The following MALRD1 variants were observed in gnomAD, a reference collection of about 807,000 sequenced individuals.
MALRD1 encodes the protein MAM and LDL receptor class A domain containing 1.
Under a neutral mutation model 242.1 loss-of-function variants are expected in MALRD1, and 247 were observed. The observed-to-expected ratio is 1.02, with a 90% CI of 0.92 to 1.13. The LOEUF is 1.13. Ranked by LOEUF, MALRD1 falls within the 50% of genes most tolerant of loss-of-function variation. The probability of loss-of-function intolerance (pLI) is 0.00; values close to 1 mark genes in which losing one functional copy is unlikely to be tolerated. For synonymous variants in MALRD1, 995 were observed against 866.6 expected (o/e 1.15, Z -2.60); for missense variants, 2,989 against 2,533.1 (o/e 1.18, Z -3.86).
At chr10:19,312,829 G>C (rs1842487995) in intron 21 of MALRD1, among the ~76,000 whole-genome samples, 1 of 151,424 alleles carries the variant, frequency 6.6e-6, no homozygotes, top group Admixed American at 6.6e-5. Context: ...AGAAGAATCT[G>C]GGAAATGCTA....
At chr10:19,224,343 G>C (rs1210954077) in intron 18 of MALRD1, among the ~76,000 whole-genome samples, 2 of 149,660 alleles carry the variant, frequency 1.3e-5, no homozygotes, top group East Asian at 4.0e-4. Flanking sequence ...GTGGAGTGCA[G>C]TGGCACAATT....
At chr10:19,165,191 C>A (rs1834622359) in intron 12 of MALRD1, among the ~76,000 whole-genome samples, 1 of 138,066 alleles carries the variant, frequency 7.2e-6, no homozygotes, top group Non-Finnish European at 1.5e-5. Context: ...GGTTACACAT[C>A]TGGGAGAAAG....
At chr10:19,080,565 A>T (rs1328796545) in intron 2 of MALRD1, among the ~76,000 whole-genome samples, 1 of 152,128 alleles carries the variant, frequency 6.6e-6, no homozygotes, top group African/African-American at 2.4e-5. Flanking sequence ...GGCTACCCAT[A>T]TGCAAAAAAT....
At chr10:19,470,207 T>C (rs756099445) in intron 29 of MALRD1, among the ~76,000 whole-genome samples, 1 of 152,052 alleles carries the variant, frequency 6.6e-6, no homozygotes, top group Non-Finnish European at 1.5e-5. Flanking sequence ...TTTATCTTTC[T>C]GTGTCTGGCA....
At chr10:19,689,116 G>T (rs1472849143) in intron 36 of MALRD1, among the ~76,000 whole-genome samples, 1 of 152,186 alleles carries the variant, frequency 6.6e-6, no homozygotes. Flanking sequence ...TATTTGTACA[G>T]ACATCTGACC....
chr10:19,374,831 TATG>T (rs1190404084), intron 26 of MALRD1, among the ~76,000 whole-genome samples: 1 of 152,172 alleles, frequency 6.6e-6, no homozygotes, highest in Non-Finnish European at 1.5e-5. Flanking sequence ...TGGGGGATTA[TATG>T]ATATTAGCCA....
chr10:19,475,650 G>T (rs1247206939), intron 29 of MALRD1, among the ~76,000 whole-genome samples: 1 of 152,116 alleles, frequency 6.6e-6, no homozygotes, highest in African/African-American at 2.4e-5. Flanking sequence ...AATGGAAAGG[G>T]TCAAAGACAA....
Position 19,347,932 on chromosome 10 carries a change from T to C in MALRD1, c.4063T>C (p.Phe1355Leu). Residue 1355 changes from phenylalanine (F) to leucine (L), a missense_variant, in exon 25 of 40, where the codon TTT (phenylalanine) becomes CTT (leucine). Coordinates refer to ENST00000454679, the MANE Select transcript of MALRD1 (RefSeq NM_001142308.3). ...GGGAAATTCATCTGGTCATTACATC[T>C]TTATAAAGAGTTTGTTTCCTCAGCA... ...TLGNSSGHYIFIKSLFPQQPM... is the reference protein window; with the variant it reads ...TLGNSSGHYILIKSLFPQQPM... 1.3e-6 allele frequency: 2 copies of C among 1,550,348 alleles called. No individual in the cohort carries two copies. Among genetic ancestry groups the C allele is most frequent in the Non-Finnish European group, 1.7e-6 (2 of 1,146,824 alleles).
At chr10:19,373,449 G>A (rs552564583) in intron 26 of MALRD1, among the ~76,000 whole-genome samples, 1 of 152,014 alleles carries the variant, frequency 6.6e-6, no homozygotes, top group East Asian at 1.9e-4. Flanking sequence ...AAACCAGAGG[G>A]CGGAGGTTGC....
intron 1 of MALRD1, among the ~76,000 whole-genome samples, chr10:19,050,646 C>T (rs372372285): frequency 1.3e-5 from 2 of 152,278 alleles, no homozygotes; most frequent in East Asian, 1.9e-4. Flanking sequence ...ATACCAAGTT[C>T]AGCCAAGGGC....
At chr10:19,306,029 A>G (rs1429649047) in intron 21 of MALRD1, among the ~76,000 whole-genome samples, 4 of 110,152 alleles carry the variant, frequency 3.6e-5, no homozygotes, top group African/African-American at 1.5e-4. Flanking sequence ...TATATACTAT[A>G]CTATATATTA....
chr10:19,194,842 T>C (rs1038461270), intron 14 of MALRD1, among the ~76,000 whole-genome samples: 2 of 152,210 alleles, frequency 1.3e-5, no homozygotes, highest in African/African-American at 4.8e-5. Context: ...AAGGGCCTTA[T>C]ATTGTTACAT....
At chr10:19,646,536 C>T (rs1262887407) in intron 36 of MALRD1, among the ~76,000 whole-genome samples, 11 of 151,484 alleles carry the variant, frequency 7.3e-5, no homozygotes, top group Admixed American at 4.0e-4. Context: ...ACCTGGGAGG[C>T]GGAGGTTGCA....
At chr10:19,377,922 C>T (rs7912934) in intron 26 of MALRD1, among the ~76,000 whole-genome samples, 132,611 of 152,032 alleles carry the variant, frequency 0.87, 58,076 homozygotes, top group African/African-American at 0.92. Flanking sequence ...CCAATGATAA[C>T]TGCCAGCAAT....
chr10:19,563,480 G>C (rs1199264433), intron 32 of MALRD1, among the ~76,000 whole-genome samples: 1 of 152,122 alleles, frequency 6.6e-6, no homozygotes, highest in Non-Finnish European at 1.5e-5. Context: ...ACCCCTTTTA[G>C]AACAGCTGAG....
At chr10:19,533,308 T>C (rs1421482150) in intron 32 of MALRD1, among the ~76,000 whole-genome samples, 2 of 152,200 alleles carry the variant, frequency 1.3e-5, no homozygotes, top group Non-Finnish European at 2.9e-5. Context: ...CTGGTTTTTC[T>C]AACCAGAAGG....
intron 34 of MALRD1, among the ~76,000 whole-genome samples, chr10:19,598,024 C>G (rs762289061): frequency 1.3e-5 from 2 of 152,134 alleles, no homozygotes; most frequent in Non-Finnish European, 2.9e-5. Context: ...AAGCAGGACC[C>G]AGATCTTGCA....
intron 4 of MALRD1, among the ~76,000 whole-genome samples, chr10:19,088,730 TC>T (rs1235280323): frequency 2.5e-4 from 21 of 82,724 alleles, no homozygotes; most frequent in African/African-American, 9.9e-4. Context: ...ATGCTATCCC[TC>T]CCCCCTCCCC....
intron 33 of MALRD1, among the ~76,000 whole-genome samples, chr10:19,571,053 C>A (rs1836509997): frequency 6.6e-6 from 1 of 152,002 alleles, no homozygotes; most frequent in Non-Finnish European, 1.5e-5. Flanking sequence ...ATTTCTATTA[C>A]TTTGAGTCTT....
Sources: gnomAD v4.1 joint callset for allele counts (sites outside exome capture counted in the v4.1 genomes callset) on GRCh38, gnomAD v4.1.1 for gene constraint, MANE v1.5 for transcripts, NCBI Gene and HGNC (gene_info 2026-07-23, HGNC 2026-07-21) for gene names.